PPP3CB: variants seen among roughly 807,000 people sequenced by gnomAD.
The protein encoded by PPP3CB is protein phosphatase 3 catalytic subunit beta.
A neutral mutation model predicts 66.4 loss-of-function variants in PPP3CB; 8 were observed. The ratio of observed to expected loss-of-function variants is 0.12; its 90% CI spans 0.07 to 0.22. The LOEUF is 0.22. Ranked by LOEUF, PPP3CB falls within the 10% of genes least tolerant of loss-of-function variation. The pLI, the probability that PPP3CB is intolerant of heterozygous loss-of-function variation, is 1.00. For synonymous variants in PPP3CB, 208 were observed against 221.2 expected (o/e 0.94, Z 0.53); for missense variants, 319 against 642.5 (o/e 0.50, Z 5.44).
At chr10:73,463,381 C>T (rs1173526477) in intron 9 of PPP3CB, among the ~76,000 whole-genome samples, 4 of 152,208 alleles carry the variant, frequency 2.6e-5, no homozygotes, top group African/African-American at 9.6e-5. Context: ...CACCATTTAT[C>T]AAAGTTCCAA....
In PPP3CB at chr10:73,495,772, G is replaced by A. The variant is rs761902122; in HGVS notation, c.85+33C>T. The stretch of plus-strand genomic sequence containing the variant: ...GCCCTCACACACAGCTAGCTCTTCA[G>A]GCCAGGCCCCCAGGGTTTCGTCCAC... On this transcript the variant is annotated intron_variant, in intron 1 of 13. Transcript: ENST00000360663. 9 of 1,566,732 alleles carry A rather than the reference G, an allele frequency of 5.7e-6. No individual in the cohort carries two copies. In the Admixed American group the frequency reaches 7.0e-5, roughly 12 times the overall value.
intron 10 of PPP3CB, among the ~76,000 whole-genome samples, chr10:73,451,558 AT>A (rs1388107409): frequency 6.6e-6 from 1 of 151,436 alleles, no homozygotes; most frequent in African/African-American, 2.4e-5. Context: ...ACTAAATACT[AT>A]TTTTTAAAAA....
chr10:73,466,171 T>G (rs1300551051), intron 9 of PPP3CB, among the ~76,000 whole-genome samples: 1 of 152,220 alleles, frequency 6.6e-6, no homozygotes, highest in African/African-American at 2.4e-5. Flanking sequence ...GACTGTTATA[T>G]CCACTTATGA....
intron 9 of PPP3CB, among the ~76,000 whole-genome samples, chr10:73,460,163 G>C: frequency 6.7e-6 from 1 of 148,496 alleles, no homozygotes; most frequent in East Asian, 2.0e-4. Context: ...GGTTTATCTC[G>C]AAAGCTACAT....
intron 9 of PPP3CB, chr10:73,467,032 G>A (rs1466258762): frequency 6.6e-6 from 1 of 151,968 alleles, no homozygotes. Flanking sequence ...AAATTAGAAA[G>A]GCATCACTAC....
intron 1 of PPP3CB, among the ~76,000 whole-genome samples, chr10:73,486,833 A>T (rs2056986717): frequency 6.6e-6 from 1 of 152,148 alleles, no homozygotes; most frequent in South Asian, 2.1e-4. Context: ...CTCCTTTGAG[A>T]TTCATGCCTT....
In PPP3CB at chr10:73,439,936, TGA is replaced by T. The variant is rs909013711; in HGVS notation, c.1367-37_1367-36del. 6.3e-6 allele frequency: 10 copies of T among 1,591,212 alleles called. 1 individual carries two copies. The Admixed American group carries it at 1.3e-4, about 21-fold the overall frequency. On this transcript the variant is annotated intron_variant, in intron 12 of 13. Transcript: ENST00000360663. ...AGTGAGCAGAGGCATGCAAAATGAATGAGAGAGATGAGAAGGGTCATATTGTA... is the reference window on the plus strand; with the variant it reads ...AGTGAGCAGAGGCATGCAAAATGAATGAGAGATGAGAAGGGTCATATTGTA...
intron 10 of PPP3CB, 105 bp from the exon 11 acceptor site, chr10:73,446,678 C>G: frequency 2.9e-6 from 3 of 1,030,298 alleles, no homozygotes; most frequent in Non-Finnish European, 4.5e-6. Context: ...GTACCAAGAC[C>G]CCTGCCACCA....
At chr10:73,473,260 T>C (rs2056731658) in intron 4 of PPP3CB, among the ~76,000 whole-genome samples, 1 of 152,218 alleles carries the variant, frequency 6.6e-6, no homozygotes, top group Non-Finnish European at 1.5e-5. Flanking sequence ...CTACTTAGTA[T>C]GACCTTTATT....
At chr10:73,466,408 T>C (rs1168154100) in intron 9 of PPP3CB, among the ~76,000 whole-genome samples, 3 of 152,162 alleles carry the variant, frequency 2.0e-5, no homozygotes, top group Non-Finnish European at 4.4e-5. Context: ...CCATATTACA[T>C]TAAAACAGTT....
At chr10:73,460,287 A>G (rs2056500615) in intron 9 of PPP3CB, among the ~76,000 whole-genome samples, 2 of 151,540 alleles carry the variant, frequency 1.3e-5, no homozygotes, top group South Asian at 2.1e-4. Context: ...AAAAAAAAAA[A>G]AGTCACAGCA....
At position 73,447,178 on chromosome 10, in the gene PPP3CB, G is replaced by A. The variant is rs185103806; in HGVS notation, c.1187-605C>T. Among the ~76,000 whole-genome samples, 4 of 152,306 alleles carry A rather than the reference G, an allele frequency of 2.6e-5. No individual in the cohort carries two copies. In the East Asian group the frequency reaches 7.7e-4, roughly 29 times the overall value. Reference sequence around the variant, plus strand: ...TTCAACAATGCACCAGGTGCCTAATGTACCAGGTGCTCCTAAGGTCATGCA... The same window carrying A: ...TTCAACAATGCACCAGGTGCCTAATATACCAGGTGCTCCTAAGGTCATGCA... On this transcript the variant is annotated intron_variant, in intron 10 of 13. Coordinates refer to ENST00000360663, the MANE Select transcript of PPP3CB (RefSeq NM_021132.4).
intron 1 of PPP3CB, among the ~76,000 whole-genome samples, chr10:73,495,093 G>A (rs375124128): frequency 9.2e-5 from 14 of 152,334 alleles, no homozygotes; most frequent in African/African-American, 3.1e-4. Flanking sequence ...TTGTAAGGGA[G>A]GGGTAACTCC....
rs889859859 is a variant in PPP3CB at position 73,452,091 on chromosome 10, A to G, written c.1186+2321T>C. On this transcript the variant is annotated intron_variant, in intron 10 of 13. Transcript: ENST00000360663. ...AAAAAAATTTAAAAAACCTCCCTAG[A>G]TTCAGATATAGAATTAACATAATAT... is the stretch of plus-strand genomic sequence containing the variant. 2.0e-5 allele frequency among the ~76,000 whole-genome samples: 3 copies of G among 152,262 alleles called. No homozygotes were observed. In the East Asian group the frequency reaches 5.8e-4, roughly 29 times the overall value.
In PPP3CB at chr10:73,446,567, G is replaced by A; in HGVS notation, c.1193C>T (p.Ala398Val). The change falls in exon 11 of 14, where the codon GCT (alanine) becomes GTT (valine). Residue 398 changes from alanine (A) to valine (V), a missense_variant. Physicochemically the swap from Ala to Val is moderately conservative, Grantham distance 64. This residue lies in a region of PPP3CB where 120 missense variants were observed against 331.2 expected (regional missense o/e 0.36). Coordinates refer to ENST00000360663, the MANE Select transcript of PPP3CB (RefSeq NM_021132.4). ...TEGEDQFDGS[A>V]AARKEIIRNK... is the part of the protein sequence containing the mutation. ...TCTTATGATTTCTTTCCGGGCTGCA[G>A]CTGAACCTACTTTCAATGGAATAAA... is the stretch of plus-strand genomic sequence containing the variant. 1 of 1,613,504 alleles carries A rather than the reference G, an allele frequency of 6.2e-7. No individual in the cohort carries two copies.
chr10:73,457,038 T>G (rs921253967), intron 9 of PPP3CB, among the ~76,000 whole-genome samples: 1 of 151,930 alleles, frequency 6.6e-6, no homozygotes, highest in African/African-American at 2.4e-5. Context: ...AGTATATATA[T>G]TTCAATAAAG....
intron 1 of PPP3CB, among the ~76,000 whole-genome samples, chr10:73,484,478 C>G (rs55942335): frequency 6.6e-6 from 1 of 151,638 alleles, no homozygotes; most frequent in Non-Finnish European, 1.5e-5. Context: ...TCACAGTGTT[C>G]GCCAGGATGG....
chr10:73,443,043 A>T (rs796776608), intron 12 of PPP3CB, among the ~76,000 whole-genome samples: 6 of 151,324 alleles, frequency 4.0e-5, no homozygotes, highest in African/African-American at 1.2e-4. Context: ...TAAAAAAAAT[A>T]AAAAAAATTA....
chr10:73,470,962 T>C lies in PPP3CB; in HGVS notation c.812A>G (p.Tyr271Cys). Residue 271 changes from tyrosine to cysteine, a missense_variant and splice_region_variant, in exon 7 of 14, where the codon TAT (tyrosine) becomes TGT (cysteine). Physicochemically the swap from Tyr to Cys is radical, Grantham distance 194 (BLOSUM62 -2). Around this residue, in one of 5 missense-constraint regions of PPP3CB, gnomAD observed 120 missense variants for 331.2 expected, o/e 0.36. Transcript: ENST00000360663. ...TVRGCSYFYN[Y>C]PAVCEFLQNN... The stretch of plus-strand genomic sequence containing the variant: ...TTGCAAAAATTCACACACTGCTGGA[T>C]AGCTGTGGGGGAAAAAGAGTAAATT... The C allele has an allele frequency of 6.2e-7, 1 of 1,612,858 alleles. No individual in the cohort carries two copies. Among genetic ancestry groups the C allele is most frequent in the Non-Finnish European group, 8.5e-7 (1 of 1,179,162 alleles).
Sources: gnomAD v4.1 joint callset for allele counts (sites outside exome capture counted in the v4.1 genomes callset) on GRCh38, gnomAD v4.1.1 for gene constraint, gnomAD v4.1.1 regional missense constraint, MANE v1.5 for transcripts, NCBI Gene and HGNC (gene_info 2026-07-23, HGNC 2026-07-21) for gene names.